The following MYCBP2 variants were observed in gnomAD, a reference collection of about 807,000 sequenced individuals.
MYCBP2 encodes MYC binding protein 2.
In MYCBP2, 120 loss-of-function variants were observed where a neutral mutation model predicts 525.3. That is an observed-to-expected ratio of 0.23 (90% confidence interval 0.20 to 0.27). MYCBP2 has a LOEUF of 0.27. Among genes scored for constraint, MYCBP2 ranks in the 10% least tolerant of loss-of-function variants. The pLI, the probability that MYCBP2 is intolerant of heterozygous loss-of-function variation, is 1.00. For synonymous variants in MYCBP2, 1,894 were observed against 1,955.8 expected (o/e 0.97, Z 0.83); for missense variants, 4,149 against 5,657.1 (o/e 0.73, Z 8.55).
At chr13:77,162,080 T>C (rs1196595592) in intron 43 of MYCBP2, 125 bp from the exon 44 acceptor site, 6 of 683,896 alleles carry the variant, frequency 8.8e-6, no homozygotes, top group South Asian at 2.1e-5. Flanking sequence ...TTGAAAAGAT[T>C]TGTGATTCTG....
rs950742630 is a variant in MYCBP2 at position 77,044,843 on chromosome 13, T to C, written c.*535A>G. ...TAGTAATTCTTATACAGGACAAACA[T>C]TGATATGTTTATATACAGTGTGATA... On this transcript the variant is annotated 3_prime_UTR_variant, in exon 83 of 83. Transcript: ENST00000544440. The C allele has an allele frequency of 2.0e-5, 8 of 398,830 alleles. No homozygotes were observed. The highest frequency in any genetic ancestry group is 1.3e-4 in the South Asian group (1 of 7,862). The allele number at this position is 398,830 out of a possible 1,614,324, so 24.7% of individuals were successfully genotyped here.
At chr13:77,315,894 CAA>C (rs34819956) in intron 1 of MYCBP2, among the ~76,000 whole-genome samples, 7,300 of 94,224 alleles carry the variant, frequency 0.077, 150 homozygotes, top group East Asian at 0.14. Context: ...GGCTCTGTCT[CAA>C]AAAAAAAAAA....
At chr13:77,056,159 T>TGTGTGTGTGTGTGTG (rs2037999585) in intron 79 of MYCBP2, among the ~76,000 whole-genome samples, 2 of 146,084 alleles carry the variant, frequency 1.4e-5, no homozygotes, top group African/African-American at 2.5e-5. Flanking sequence ...TGTGTGTGTG[T>TGTGTGTGTGTGTGTG]TTTGCTTCCT....
At position 77,095,372 on chromosome 13, in the gene MYCBP2, C is replaced by T; in HGVS notation, c.10185G>A (p.Leu3395=). 4 of 1,613,270 alleles carry T rather than the reference C, an allele frequency of 2.5e-6. No individual in the cohort carries two copies. Among genetic ancestry groups the T allele is most frequent in the Non-Finnish European group, 3.4e-6 (4 of 1,179,604 alleles). ...DLPVKMPCLY[L]QTLARHHHEN... is the part of the protein sequence containing the mutation. ...AATTTTATTACCTAGCTAATGTCTGCAGGTAGAGACAAGGCATTTTCACAG... is the reference window on the plus strand; with the variant it reads ...AATTTTATTACCTAGCTAATGTCTGTAGGTAGAGACAAGGCATTTTCACAG... The change falls in exon 58 of 83, where the codon CTG becomes CTA. Residue 3395 remains leucine (L), a synonymous_variant. Transcript: ENST00000544440.
chr13:77,061,536 T>G (rs1306077242), intron 75 of MYCBP2, 126 bp downstream of exon 75: 1 of 1,128,964 alleles, frequency 8.9e-7, no homozygotes, highest in Non-Finnish European at 1.2e-6. Flanking sequence ...GCGAGACAGC[T>G]GTGAACTCAA....
At chr13:77,225,267 T>C (rs1454341969) in intron 19 of MYCBP2, among the ~76,000 whole-genome samples, 168 bp downstream of exon 19, 1 of 152,192 alleles carries the variant, frequency 6.6e-6, no homozygotes, top group Non-Finnish European at 1.5e-5. Flanking sequence ...CATGCCATAG[T>C]TGTTTAAAGA....
At chr13:77,152,099 T>G (rs774569882) in intron 46 of MYCBP2, among the ~76,000 whole-genome samples, 1 of 152,228 alleles carries the variant, frequency 6.6e-6, no homozygotes, top group East Asian at 1.9e-4. Flanking sequence ...AACTACAGAC[T>G]GTCTTTATGT....
intron 3 of MYCBP2, among the ~76,000 whole-genome samples, chr13:77,279,748 C>T (rs916274135): frequency 6.6e-6 from 1 of 152,126 alleles, no homozygotes; most frequent in Non-Finnish European, 1.5e-5. Context: ...ATTGTGCAAA[C>T]TCACTTTAGG....
Position 77,064,595 on chromosome 13 carries a change from C to G in MYCBP2, c.12672+20G>C. On this transcript the variant is annotated intron_variant, in intron 73 of 82. Coordinates refer to ENST00000544440, the MANE Select transcript of MYCBP2 (RefSeq NM_015057.5). ...GATACACACCAAATTTAAAACAAAA[C>G]AAAACAAAGCAAAACCTACTCTAGT... 1 of 1,579,620 alleles carries G rather than the reference C, an allele frequency of 6.3e-7. No individual in the cohort carries two copies. Among genetic ancestry groups the G allele is most frequent in the Non-Finnish European group, 8.6e-7 (1 of 1,161,652 alleles).
chr13:77,131,507 C>CACAA (rs2052799766), intron 52 of MYCBP2, among the ~76,000 whole-genome samples: 1 of 85,852 alleles, frequency 1.2e-5, no homozygotes, highest in African/African-American at 3.3e-5. Context: ...CACACACACA[C>CACAA]ACACAAACAA....
At chr13:77,283,595 G>A (rs909961902) in intron 3 of MYCBP2, among the ~76,000 whole-genome samples, 4 of 152,092 alleles carry the variant, frequency 2.6e-5, no homozygotes, top group African/African-American at 4.8e-5. Flanking sequence ...ACTTCTAAGC[G>A]TTACTATTTA....
At position 77,310,425 on chromosome 13, in the gene MYCBP2, T is replaced by C. The variant is rs137964601; in HGVS notation, c.303-13751A>G. 1.0e-3 allele frequency among the ~76,000 whole-genome samples: 159 copies of C among 152,292 alleles called. 1 individual carries two copies. The highest frequency in any genetic ancestry group is 3.4e-3 in the Middle Eastern group (1 of 294). On this transcript the variant is annotated intron_variant, in intron 1 of 82. Transcript: ENST00000544440. ...GTCTATCTTTGTAAATAAAGTTATA[T>C]TGGAACACAGCCATGCTTATCCATT...
intron 80 of MYCBP2, 51 bp from the exon 81 acceptor site, chr13:77,051,969 A>T: frequency 7.2e-7 from 1 of 1,393,818 alleles, no homozygotes; most frequent in Non-Finnish European, 1.0e-6. Flanking sequence ...AAACTCTGGC[A>T]TGGGAGATAC....
rs140827899 is a variant in MYCBP2 at position 77,283,188 on chromosome 13, T to C, written c.595-4277A>G. The stretch of plus-strand genomic sequence containing the variant: ...TCATGCAAGTCTGATGATATTCTTT[T>C]GCTTAAAATCTTCAATATTTACTAA... On this transcript the variant is annotated intron_variant, in intron 3 of 82. Coordinates refer to ENST00000544440, the MANE Select transcript of MYCBP2 (RefSeq NM_015057.5). Among the ~76,000 whole-genome samples the C allele has an allele frequency of 1.0e-3, 156 of 152,318 alleles. 1 individual carries two copies. The highest frequency in any genetic ancestry group is 3.4e-3 in the Middle Eastern group (1 of 294).
intron 26 of MYCBP2, among the ~76,000 whole-genome samples, chr13:77,198,387 G>A (rs2061996468): frequency 6.6e-6 from 1 of 152,182 alleles, no homozygotes; most frequent in African/African-American, 2.4e-5. Flanking sequence ...CCTCCATGGG[G>A]AATGTCCTTG....
At chr13:77,163,568 C>T (rs2058194452) in intron 43 of MYCBP2, among the ~76,000 whole-genome samples, 1 of 152,122 alleles carries the variant, frequency 6.6e-6, no homozygotes, top group Non-Finnish European at 1.5e-5. Context: ...TTCAACTTTA[C>T]TCCCTTGATT....
chr13:77,196,491 T>C (rs1198274708), intron 26 of MYCBP2, among the ~76,000 whole-genome samples: 30 of 152,158 alleles, frequency 2.0e-4, no homozygotes. Flanking sequence ...CAAATGAGAA[T>C]GGCTGTGGCA....
rs1351786422 is a variant in MYCBP2, at chr13:77,058,816, C to A, written c.13141-410G>T. Among the ~76,000 whole-genome samples, 3 of 151,996 alleles carry A rather than the reference C, an allele frequency of 2.0e-5. No homozygotes were observed. Among genetic ancestry groups the A allele is most frequent in the African/African-American group, 7.3e-5 (3 of 41,360 alleles). On this transcript the variant is annotated intron_variant, in intron 77 of 82. Transcript: ENST00000544440. This position sits in a 1 kb window ranked among gnomAD's most constrained non-coding sequence, Gnocchi z 4.1. Reference sequence around the variant, plus strand: ...CCTGACCAATATGGTGAAACCCCATCTCTACTAAAAATACAAAAATTAACC... The same window carrying A: ...CCTGACCAATATGGTGAAACCCCATATCTACTAAAAATACAAAAATTAACC...
intron 37 of MYCBP2, among the ~76,000 whole-genome samples, chr13:77,172,264 G>A (rs960417760): frequency 6.6e-6 from 1 of 151,968 alleles, no homozygotes; most frequent in African/African-American, 2.4e-5. Context: ...CAGGGCAAAA[G>A]GAACATACTG....
Sources: allele counts gnomAD v4.1 joint callset (sites outside exome capture counted in the v4.1 genomes callset), GRCh38; gene constraint gnomAD v4.1.1; non-coding constraint Gnocchi (gnomAD v3.1); transcripts MANE v1.5; gene names NCBI Gene and HGNC (gene_info 2026-07-23, HGNC 2026-07-21).